The following DNAH1 variants were observed in gnomAD, a reference collection of about 807,000 sequenced individuals.
The protein encoded by DNAH1 is dynein axonemal heavy chain 1.
Under a neutral mutation model 484.3 loss-of-function variants are expected in DNAH1, and 327 were observed. The ratio of observed to expected loss-of-function variants is 0.68; its 90% CI spans 0.62 to 0.74. The LOEUF (loss-of-function observed/expected upper bound fraction) is 0.74. DNAH1 is among the 30% of genes least tolerant of loss of function. The pLI is 0.00. For missense variants in DNAH1, 5,052 were observed against 5,546.8 expected (o/e 0.91, Z 2.83); for synonymous variants, 2,192 against 2,191.9 (o/e 1.00, Z 0.00).
At chr3:52,359,474 G>A (rs1578138842) in intron 26 of DNAH1, 88 bp downstream of exon 26, 20 of 1,509,586 alleles carry the variant, frequency 1.3e-5, no homozygotes, top group Middle Eastern at 2.4e-4. Flanking sequence ...TTCTCCTATA[G>A]TGAGCCTGGA....
chr3:52,352,461 C>A, intron 17 of DNAH1, 91 bp from the exon 18 acceptor site: 2 of 1,519,202 alleles, frequency 1.3e-6, no homozygotes, highest in South Asian at 1.3e-5. Flanking sequence ...AGTGGACGTC[C>A]TGGGACCTCT....
rs756718622 is a variant in DNAH1 at position 52,392,639 on chromosome 3, G to C, written c.10228G>C (p.Glu3410Gln). The C allele has an allele frequency of 1.7e-5, 27 of 1,612,010 alleles. No individual in the cohort carries two copies. Among genetic ancestry groups the C allele is most frequent in the Non-Finnish European group, 2.3e-5 (27 of 1,179,112 alleles). Reference protein sequence around the residue: ...SSEGNPVDDMELIKVLEASKM... With the variant: ...SSEGNPVDDMQLIKVLEASKM... The stretch of plus-strand genomic sequence containing the variant: ...CGAGGGCAACCCTGTAGATGACATG[G>C]AACTCATCAAGGTGCTGGAAGCCTC... The change falls in exon 64 of 78, where the codon GAA (glutamate) becomes CAA (glutamine). Residue 3410 changes from glutamate to glutamine, a missense_variant. Glu to Gln is a conservative substitution (Grantham distance 29). Around this residue, in one of 4 missense-constraint regions of DNAH1, gnomAD observed 2,929 missense variants for 3,409.4 expected, o/e 0.86. Transcript: ENST00000420323.
intron 61 of DNAH1, 45 bp from the exon 62 acceptor site, chr3:52,391,134 T>G: frequency 6.2e-7 from 1 of 1,612,180 alleles, no homozygotes; most frequent in Admixed American, 1.7e-5. Flanking sequence ...AGCCTCAGGC[T>G]GGCTCTCAGT....
rs151104503 is a variant in DNAH1, at chr3:52,369,218, G to A, written c.5943+300G>A. Reference sequence around the variant, plus strand: ...CAGGATGCCTGTCCCACTGCTCCCCGGCTGATGATGCCTCTTGCCTCCCAG... The same window carrying A: ...CAGGATGCCTGTCCCACTGCTCCCCAGCTGATGATGCCTCTTGCCTCCCAG... On this transcript the variant is annotated intron_variant, in intron 37 of 77. Coordinates refer to ENST00000420323, the MANE Select transcript of DNAH1 (RefSeq NM_015512.5). Among the ~76,000 whole-genome samples, 582 of 152,274 alleles carry A rather than the reference G, an allele frequency of 3.8e-3. 2 individuals are homozygous for A. The highest frequency in any genetic ancestry group is 0.02 in the Middle Eastern group (6 of 294).
At position 52,353,417 on chromosome 3, in the gene DNAH1, C is replaced by A. The variant is rs371021090; in HGVS notation, c.3264C>A (p.Ile1088=). 1 of 1,613,632 alleles carries A rather than the reference C, an allele frequency of 6.2e-7. No homozygotes were observed. Among genetic ancestry groups the A allele is most frequent in the Admixed American group, 1.7e-5 (1 of 60,012 alleles). The change falls in exon 20 of 78, where the codon ATC becomes ATA. Residue 1088 remains isoleucine, a synonymous_variant. Coordinates refer to ENST00000420323, the MANE Select transcript of DNAH1 (RefSeq NM_015512.5). The surrounding 1 kb of genome is among the most constrained non-coding windows in gnomAD (Gnocchi z 5.0). ...TGGCCTTGGACATCCGGGCCCGCAT[C>A]GAGGAGTTCAAACCATACATCCCAC... The part of the protein sequence containing the change: ...QEVALDIRAR[I]EEFKPYIPLI...
intron 46 of DNAH1, among the ~76,000 whole-genome samples, chr3:52,377,565 GTAGGCAAAGCCA>G (rs1420546003): frequency 6.6e-6 from 1 of 151,968 alleles, no homozygotes; most frequent in Non-Finnish European, 1.5e-5. Context: ...CTTGACAATG[GTAGGCAAAGCCA>G]TCCTCAGTTC....
At position 52,345,560 on chromosome 3, in the gene DNAH1, C is replaced by T; in HGVS notation, c.1510C>T (p.Leu504Phe). The T allele has an allele frequency of 6.3e-7, 1 of 1,594,338 alleles. No individual in the cohort carries two copies. The highest frequency in any genetic ancestry group is 8.5e-7 in the Non-Finnish European group (1 of 1,170,030). Reference sequence around the variant, plus strand: ...GGAGGACTTCACTTTCGTGTCCCTGCTCACACGGCCAGAGGTCATCACGGC... The same window carrying T: ...GGAGGACTTCACTTTCGTGTCCCTGTTCACACGGCCAGAGGTCATCACGGC... ...QKEDFTFVSL[L>F]TRPEVITALS... is the part of the protein sequence containing the mutation. Residue 504 changes from leucine to phenylalanine, a missense_variant, in exon 10 of 78, where the codon CTC (leucine) becomes TTC (phenylalanine). Physicochemically the swap from Leu to Phe is conservative, Grantham distance 22. Coordinates refer to ENST00000420323, the MANE Select transcript of DNAH1 (RefSeq NM_015512.5).
At chr3:52,320,839 C>T (rs1255607907) in intron 1 of DNAH1, among the ~76,000 whole-genome samples, 1 of 139,890 alleles carries the variant, frequency 7.1e-6, no homozygotes, top group African/African-American at 2.6e-5. Flanking sequence ...CTCGCTCTGT[C>T]GCCTAGGCTG....
In DNAH1 at chr3:52,359,380, C is replaced by T. The variant is rs1199422641; in HGVS notation, c.4401C>T (p.Cys1467=). 1.9e-6 allele frequency: 3 copies of T among 1,569,910 alleles called. No homozygotes were observed. The highest frequency in any genetic ancestry group is 2.4e-5 in the East Asian group (1 of 42,382). The change falls in exon 26 of 78, where the codon TGC becomes TGT. Residue 1467 remains cysteine (C), a synonymous_variant. Coordinates refer to ENST00000420323, the MANE Select transcript of DNAH1 (RefSeq NM_015512.5). ...GAAGCCAACTGTTCCCCCAGCTCTG[C>T]CAGCAGGTTGGAGTCAAGAGGACCC... ...NLRSQLFPQL[C]QQLSDLVALV...
chr3:52,334,600 C>T (rs1312669831), intron 8 of DNAH1, among the ~76,000 whole-genome samples: 1 of 151,940 alleles, frequency 6.6e-6, no homozygotes, highest in East Asian at 1.9e-4. Flanking sequence ...ACTAGCCTGG[C>T]CAACATGGCA....
In DNAH1 at chr3:52,394,940, C is replaced by A; in HGVS notation, c.10849C>A (p.Gln3617Lys). 6.2e-7 allele frequency: 1 copy of A among 1,613,594 alleles called. No homozygotes were observed. Among genetic ancestry groups the A allele is most frequent in the South Asian group, 1.1e-5 (1 of 90,972 alleles). The change falls in exon 68 of 78, where the codon CAG becomes AAG. Residue 3617 changes from glutamine (Q) to lysine (K), a missense_variant. Gln to Lys is a moderately conservative substitution (Grantham distance 53). Around this residue, in one of 4 missense-constraint regions of DNAH1, gnomAD observed 853 missense variants for 899.0 expected, o/e 0.95. Coordinates refer to ENST00000420323, the MANE Select transcript of DNAH1 (RefSeq NM_015512.5). Reference protein sequence around the residue: ...HREPLPGIWDQYLDQFQKLLV... With the variant: ...HREPLPGIWDKYLDQFQKLLV... The stretch of plus-strand genomic sequence containing the variant: ...GGAGCCTTTGCCTGGCATCTGGGAC[C>A]AGTACCTAGACCAGTTCCAGAAGCT...
chr3:52,396,697 T>G lies in DNAH1; in HGVS notation c.11510T>G (p.Leu3837Arg). 1 of 1,613,776 alleles carries G rather than the reference T, an allele frequency of 6.2e-7. No homozygotes were observed. The highest frequency in any genetic ancestry group is 8.5e-7 in the Non-Finnish European group (1 of 1,179,874). The change falls in exon 72 of 78, where the codon CTG becomes CGG. Residue 3837 changes from leucine (L) to arginine (R), a missense_variant. Leu to Arg is a moderately radical substitution (Grantham distance 102). Around this residue, in one of 4 missense-constraint regions of DNAH1, gnomAD observed 853 missense variants for 899.0 expected, o/e 0.95. Transcript: ENST00000420323. ...NALERRKFGP[L>R]GFNIPYEFTD... ...CTGGAGCGCCGTAAGTTTGGGCCCC[T>G]GGGCTTCAACATCCCCTATGAGTTC...
chr3:52,345,905 C>T lies in DNAH1; in HGVS notation c.1656+199C>T, dbSNP rs77337591. Among the ~76,000 whole-genome samples, 196 of 152,282 alleles carry T rather than the reference C, an allele frequency of 1.3e-3. 1 individual carries two copies. Among genetic ancestry groups the T allele is most frequent in the Non-Finnish European group, 2.3e-3 (155 of 68,020 alleles). On this transcript the variant is annotated intron_variant, in intron 10 of 77. Coordinates refer to ENST00000420323, the MANE Select transcript of DNAH1 (RefSeq NM_015512.5). ...GGGGTGGGGACCAAGGGTAATGACT[C>T]ATCTTGGAGAGAAAGGGAAAACCAG...
rs1704721689 is a variant in DNAH1, at chr3:52,398,114, T to C, written c.12041T>C (p.Val4014Ala). The C allele has an allele frequency of 2.5e-6, 4 of 1,613,866 alleles. No individual in the cohort carries two copies. Among genetic ancestry groups the C allele is most frequent in the Non-Finnish European group, 3.4e-6 (4 of 1,179,884 alleles). The change falls in exon 75 of 78, where the codon GTG (valine) becomes GCG (alanine). Residue 4014 changes from valine to alanine, a missense_variant. Val to Ala is a moderately conservative substitution (Grantham distance 64, BLOSUM62 0). This residue lies in a region of DNAH1 where 853 missense variants were observed against 899.0 expected (regional missense o/e 0.95). Transcript: ENST00000420323. ...CAATGGGTGATGGCCAAGTACCCAG[T>C]GCTGTATGAGGAATCAATGAACACA... is the stretch of plus-strand genomic sequence containing the variant. ...NLQWVMAKYP[V>A]LYEESMNTVL...
intron 8 of DNAH1, among the ~76,000 whole-genome samples, chr3:52,340,401 G>A (rs1359035166): frequency 2.0e-5 from 3 of 148,938 alleles, no homozygotes; most frequent in African/African-American, 7.5e-5. Flanking sequence ...TTCTCTTTCT[G>A]GTAGGATTTT....
upstream of DNAH1, among the ~76,000 whole-genome samples, chr3:52,313,345 G>A (rs920119892): frequency 6.6e-6 from 1 of 152,130 alleles, no homozygotes; most frequent in Non-Finnish European, 1.5e-5. Context: ...GGGACAAAGA[G>A]TGAGAGGAGT....
intron 1 of DNAH1, among the ~76,000 whole-genome samples, chr3:52,321,122 CT>C (rs58487465): frequency 0.27 from 38,827 of 141,536 alleles, 7,542 homozygotes; most frequent in African/African-American, 0.56. Context: ...TTTCTTTTTT[CT>C]TTTTTTTTTT....
At chr3:52,319,799 C>T (rs1269960774) in intron 1 of DNAH1, among the ~76,000 whole-genome samples, 1 of 152,164 alleles carries the variant, frequency 6.6e-6, no homozygotes, top group Non-Finnish European at 1.5e-5. Context: ...GGAAGGGAGC[C>T]ATTGTGAAGG....
At position 52,381,950 on chromosome 3, in the gene DNAH1, G is replaced by T. The variant is rs112378680; in HGVS notation, c.7805+114G>T. ...CCTCGGGCAACCCTGAAGTAGGCCC[G>T]TGCAGCCTACAGGCTTCTGGAAAGA... is the stretch of plus-strand genomic sequence containing the variant. On this transcript the variant is annotated intron_variant, in intron 49 of 77. Coordinates refer to ENST00000420323, the MANE Select transcript of DNAH1 (RefSeq NM_015512.5). This position sits in a 1 kb window ranked among gnomAD's most constrained non-coding sequence, Gnocchi z 4.1. 1.0e-3 allele frequency: 1,170 copies of T among 1,154,226 alleles called. 1 individual carries two copies. The highest frequency in any genetic ancestry group is 1.3e-3 in the Non-Finnish European group (1,095 of 834,084). 71.5% of individuals were successfully genotyped at this position (1,154,226 alleles called of 1,614,324 possible).
Sources: allele counts gnomAD v4.1 joint callset (sites outside exome capture counted in the v4.1 genomes callset), GRCh38; gene constraint gnomAD v4.1.1; regional missense constraint gnomAD v4.1.1; non-coding constraint Gnocchi (gnomAD v3.1); transcripts MANE v1.5; gene names NCBI Gene and HGNC (gene_info 2026-07-23, HGNC 2026-07-21).